The following RPS6KA2 variants were observed in gnomAD, a reference collection of about 807,000 sequenced individuals.
RPS6KA2 encodes the protein ribosomal protein S6 kinase alpha-2.
In RPS6KA2, 42 loss-of-function variants were observed where a neutral mutation model predicts 91.8. That is an observed-to-expected ratio of 0.46 (90% CI 0.36 to 0.59). The LOEUF is 0.59. Among genes scored for constraint, RPS6KA2 ranks in the 20% least tolerant of loss-of-function variants. The probability of loss-of-function intolerance (pLI) is 0.00; values close to 1 mark genes in which losing one functional copy is unlikely to be tolerated. For synonymous variants in RPS6KA2, 414 were observed against 393.6 expected, an observed-to-expected ratio of 1.05 and a Z score of -0.61; for missense variants, 798 against 978.5, an observed-to-expected ratio of 0.82 and a Z score of 2.46.
In RPS6KA2 at chr6:166,563,149, C is replaced by T. The variant is rs577682303; in HGVS notation, c.100-24365G>A. 4.1e-4 allele frequency among the ~76,000 whole-genome samples: 63 copies of T among 152,170 alleles called. No homozygotes were observed. The South Asian group carries it at 4.2e-3, about 10-fold the overall frequency. On this transcript the variant is annotated intron_variant, in intron 1 of 20. Coordinates refer to ENST00000265678, the MANE Select transcript of RPS6KA2 (RefSeq NM_021135.6). The surrounding 1 kb of genome is among the most constrained non-coding windows in gnomAD (Gnocchi z 4.1). ...GCAATGACTGGAGGGTGGGAGTGGACGAAGTTTATTCTGGAGACAACAAGG... is the reference window on the plus strand; with the variant it reads ...GCAATGACTGGAGGGTGGGAGTGGATGAAGTTTATTCTGGAGACAACAAGG...
intron 2 of RPS6KA2, among the ~76,000 whole-genome samples, chr6:166,633,211 G>A (rs1787137802): frequency 1.3e-5 from 2 of 152,202 alleles, no homozygotes; most frequent in Non-Finnish European, 1.5e-5. Context: ...CAGAGTGAGA[G>A]CCCATCTCAA....
rs991709452 is a variant in RPS6KA2, at chr6:166,737,542, C to T, written c.123+120658G>A. On this transcript the variant is annotated intron_variant, in intron 2 of 21. Transcript: ENST00000503859. This position sits in a 1 kb window ranked among gnomAD's most constrained non-coding sequence, Gnocchi z 4.3. The stretch of plus-strand genomic sequence containing the variant: ...CAGAGGCATTAAAGAGAATTCTAAA[C>T]GTCTCCTTTGCAAATTGTTCAATTA... 7.9e-5 allele frequency among the ~76,000 whole-genome samples: 12 copies of T among 152,158 alleles called. No individual in the cohort carries two copies. The highest frequency in any genetic ancestry group is 2.6e-4 in the Admixed American group (4 of 15,276).
intron 2 of RPS6KA2, among the ~76,000 whole-genome samples, chr6:166,848,297 T>C (rs969358299): frequency 6.6e-6 from 1 of 152,240 alleles, no homozygotes; most frequent in African/African-American, 2.4e-5. Flanking sequence ...GGAACACTTT[T>C]ACACTGTTGG....
chr6:166,534,434 C>G (rs1011979812), intron 2 of RPS6KA2, among the ~76,000 whole-genome samples: 2 of 152,004 alleles, frequency 1.3e-5, no homozygotes, highest in Non-Finnish European at 2.9e-5. Flanking sequence ...TGTGTTTGGA[C>G]GGTGCAGCCT....
At chr6:166,492,863 G>A (rs113694667) in intron 8 of RPS6KA2, among the ~76,000 whole-genome samples, 2,172 of 149,946 alleles carry the variant, frequency 0.014, 61 homozygotes, top group African/African-American at 0.05. Flanking sequence ...CTACAGGCGT[G>A]AGCCACCATG....
At chr6:166,506,142 G>A (rs527619688) in intron 5 of RPS6KA2, among the ~76,000 whole-genome samples, 4 of 152,202 alleles carry the variant, frequency 2.6e-5, no homozygotes, top group South Asian at 2.1e-4. Flanking sequence ...CCGGCACAGC[G>A]ACGGTCCCCA....
intron 2 of RPS6KA2, among the ~76,000 whole-genome samples, chr6:166,768,677 T>A (rs1778387122): frequency 1.3e-5 from 2 of 151,012 alleles, no homozygotes; most frequent in South Asian, 2.1e-4. Context: ...AGAGGGAGAG[T>A]TAAAGCCTTC....
At chr6:166,593,826 AT>A (rs1471180458) in intron 1 of RPS6KA2, among the ~76,000 whole-genome samples, 3 of 152,228 alleles carry the variant, frequency 2.0e-5, no homozygotes, top group African/African-American at 7.2e-5. Context: ...TAAAATGTAT[AT>A]TTTTAATGTG....
intron 1 of RPS6KA2, among the ~76,000 whole-genome samples, chr6:166,578,493 A>C (rs1784908047): frequency 6.6e-6 from 1 of 152,254 alleles, no homozygotes; most frequent in Non-Finnish European, 1.5e-5. Context: ...TGCAAAGCAG[A>C]GATGAGTGCT....
intron 2 of RPS6KA2, among the ~76,000 whole-genome samples, chr6:166,741,925 A>G (rs1790828465): frequency 6.6e-6 from 1 of 152,176 alleles, no homozygotes; most frequent in African/African-American, 2.4e-5. Context: ...TCGGGAGTTC[A>G]AGACCACCCC....
chr6:166,420,591 A>G (rs1304998761), intron 17 of RPS6KA2, among the ~76,000 whole-genome samples: 1 of 152,108 alleles, frequency 6.6e-6, no homozygotes, highest in Non-Finnish European at 1.5e-5. Flanking sequence ...AGGCTGGACA[A>G]TGTTCCGCTG....
At chr6:166,499,499 C>G (rs1362578165) in intron 7 of RPS6KA2, among the ~76,000 whole-genome samples, 2 of 152,214 alleles carry the variant, frequency 1.3e-5, no homozygotes, top group South Asian at 2.1e-4. Context: ...TGGGAGGTAA[C>G]TGAATCATGG....
chr6:166,678,635 C>T (rs1788686515), intron 2 of RPS6KA2, among the ~76,000 whole-genome samples: 3 of 152,318 alleles, frequency 2.0e-5, no homozygotes, highest in African/African-American at 4.8e-5. Flanking sequence ...TGCTGTTCTG[C>T]GTCACCCTCA....
intron 2 of RPS6KA2, among the ~76,000 whole-genome samples, chr6:166,709,316 C>A (rs897027517): frequency 6.7e-6 from 1 of 150,288 alleles, no homozygotes; most frequent in Non-Finnish European, 1.5e-5. Flanking sequence ...CACAACATAT[C>A]CTCAAAATAT....
intron 15 of RPS6KA2, among the ~76,000 whole-genome samples, chr6:166,430,989 A>G (rs1486839856): frequency 6.6e-6 from 1 of 152,060 alleles, no homozygotes; most frequent in Non-Finnish European, 1.5e-5. Context: ...CAGTGGCGCC[A>G]TCTCAGCTCA....
intron 1 of RPS6KA2, among the ~76,000 whole-genome samples, chr6:166,550,449 AAAAG>A (rs1783963862): frequency 6.6e-6 from 1 of 152,222 alleles, no homozygotes; most frequent in African/African-American, 2.4e-5. Flanking sequence ...TTGGTAAAAA[AAAAG>A]AAGGACTCAA....
chr6:166,458,144 G>A (rs1345971365), intron 12 of RPS6KA2, among the ~76,000 whole-genome samples: 1 of 152,136 alleles, frequency 6.6e-6, no homozygotes, highest in African/African-American at 2.4e-5. Flanking sequence ...GCCTTGATAT[G>A]GTTCAGCTTT....
chr6:166,779,678 C>T (rs9459747), intron 2 of RPS6KA2, among the ~76,000 whole-genome samples: 32,745 of 152,088 alleles, frequency 0.22, 4,348 homozygotes, highest in African/African-American at 0.37. Context: ...CTTAGGTGAG[C>T]GGCCAGGGTG....
At chr6:166,581,240 T>G (rs771327237) in intron 1 of RPS6KA2, among the ~76,000 whole-genome samples, 1 of 152,182 alleles carries the variant, frequency 6.6e-6, no homozygotes, top group Non-Finnish European at 1.5e-5. Context: ...TGATTCTTTA[T>G]GTGAAAATCC....
Sources: gnomAD v4.1 joint callset for allele counts (sites outside exome capture counted in the v4.1 genomes callset) on GRCh38, gnomAD v4.1.1 for gene constraint, Gnocchi (gnomAD v3.1) non-coding constraint, MANE v1.5 for transcripts, NCBI Gene and HGNC (gene_info 2026-07-23, HGNC 2026-07-21) for gene names.